The following TMEM117 variants were observed in gnomAD, a reference collection of about 807,000 sequenced individuals.
TMEM117 encodes the protein transmembrane protein 117.
A neutral mutation model predicts 52.4 loss-of-function variants in TMEM117; 27 were observed. The ratio of observed to expected loss-of-function variants is 0.51; its 90% CI spans 0.38 to 0.71. The LOEUF (loss-of-function observed/expected upper bound fraction) is 0.71, where lower values mean the gene tolerates loss of function less well. Ranked by LOEUF, TMEM117 falls within the 30% of genes least tolerant of loss-of-function variation. TMEM117 has a pLI of 0.00. For missense variants in TMEM117, 556 were observed against 630.5 expected, an observed-to-expected ratio of 0.88 and a Z score of 1.26; for synonymous variants, 215 against 206.3, an observed-to-expected ratio of 1.04 and a Z score of -0.36.
At chr12:44,153,270 G>A (rs1445367623) in intron 4 of TMEM117, among the ~76,000 whole-genome samples, 1 of 151,940 alleles carries the variant, frequency 6.6e-6, no homozygotes, top group African/African-American at 2.4e-5. Flanking sequence ...GGCAGAACTT[G>A]GAATATAACC....
At chr12:43,980,865 A>G (rs1945749356) in intron 3 of TMEM117, among the ~76,000 whole-genome samples, 1 of 152,184 alleles carries the variant, frequency 6.6e-6, no homozygotes, top group Non-Finnish European at 1.5e-5. Context: ...AGATTTAATG[A>G]CAAAGGCTTG....
intron 6 of TMEM117, among the ~76,000 whole-genome samples, chr12:44,340,734 A>G (rs1461902154): frequency 6.6e-6 from 1 of 152,114 alleles, no homozygotes; most frequent in Non-Finnish European, 1.5e-5. Context: ...TTGTGTTACA[A>G]GCATCTATAT....
chr12:44,330,148 C>T (rs1951249742), intron 6 of TMEM117, among the ~76,000 whole-genome samples: 1 of 152,010 alleles, frequency 6.6e-6, no homozygotes, highest in Non-Finnish European at 1.5e-5. Flanking sequence ...ACATCCTCTC[C>T]AACACTGTTA....
At chr12:44,367,122 A>G (rs1951799909) in intron 6 of TMEM117, among the ~76,000 whole-genome samples, 1 of 152,176 alleles carries the variant, frequency 6.6e-6, no homozygotes, top group South Asian at 2.1e-4. Context: ...TAACAAAATT[A>G]TTTGAAACTA....
chr12:44,074,089 T>C (rs970974031), intron 3 of TMEM117, among the ~76,000 whole-genome samples: 13 of 152,298 alleles, frequency 8.5e-5, no homozygotes, highest in African/African-American at 3.1e-4. Context: ...CAATGTACCT[T>C]CCCTGTTTTC....
intron 3 of TMEM117, among the ~76,000 whole-genome samples, chr12:44,035,997 A>T (rs1236022593): frequency 6.6e-6 from 1 of 152,156 alleles, no homozygotes; most frequent in Non-Finnish European, 1.5e-5. Flanking sequence ...TTTCCCACTA[A>T]GTGTTTTCTA....
chr12:43,999,162 G>A (rs961850168), intron 3 of TMEM117, among the ~76,000 whole-genome samples: 13 of 152,106 alleles, frequency 8.5e-5, no homozygotes, highest in Non-Finnish European at 1.5e-4. Context: ...CAGTCATTCC[G>A]CTCCTAGAAT....
chr12:44,185,869 T>TACACACACACACAC (rs3065433), intron 4 of TMEM117, among the ~76,000 whole-genome samples: 10 of 135,112 alleles, frequency 7.4e-5, no homozygotes, highest in Admixed American at 2.3e-4. Context: ...CTAAAAGACA[T>TACACACACACACAC]ACACACACAC....
chr12:44,087,759 C>G (rs1478369691), intron 3 of TMEM117, among the ~76,000 whole-genome samples: 1 of 152,134 alleles, frequency 6.6e-6, no homozygotes, highest in South Asian at 2.1e-4. Flanking sequence ...ACCACCACAC[C>G]TGGCCTTATT....
chr12:43,802,921 T>C, the TMEM117 span, among the ~76,000 whole-genome samples: 1 of 152,312 alleles, frequency 6.6e-6, no homozygotes, highest in African/African-American at 2.4e-5. Flanking sequence ...TTGGCCATAA[T>C]GCTACAGATT....
chr12:44,017,763 G>T (rs1346803071), intron 3 of TMEM117, among the ~76,000 whole-genome samples: 1 of 152,042 alleles, frequency 6.6e-6, no homozygotes, highest in Non-Finnish European at 1.5e-5. Context: ...GACATCAAAG[G>T]TAATGTTATT....
At chr12:44,176,666 A>G (rs1949120521) in intron 4 of TMEM117, among the ~76,000 whole-genome samples, 1 of 152,162 alleles carries the variant, frequency 6.6e-6, no homozygotes, top group Non-Finnish European at 1.5e-5. Context: ...TCAGCTCTCA[A>G]TTAAGCTCTG....
At chr12:44,312,449 T>C (rs73086798) in intron 6 of TMEM117, among the ~76,000 whole-genome samples, 1 of 152,160 alleles carries the variant, frequency 6.6e-6, no homozygotes, top group South Asian at 2.1e-4. Flanking sequence ...TTTTTTCTTT[T>C]TCATGGCTGT....
chr12:44,013,391 T>C (rs1382822692), intron 3 of TMEM117, among the ~76,000 whole-genome samples: 5 of 152,166 alleles, frequency 3.3e-5, no homozygotes. Flanking sequence ...CTTCACAGTT[T>C]TTCCCCAACT....
intron 2 of TMEM117, among the ~76,000 whole-genome samples, chr12:43,881,692 G>T (rs1943897609): frequency 6.7e-6 from 1 of 149,442 alleles, no homozygotes; most frequent in African/African-American, 2.4e-5. Flanking sequence ...AGGAGGCTGA[G>T]GCAGGAGAAT....
At position 44,388,376 on chromosome 12, in the gene TMEM117, T is replaced by A; in HGVS notation, c.1249T>A (p.Phe417Ile). ...ATTCTTTATTTGGTTCTTTGGACGA[T>A]TTTTGAAAAATGAGCCACGCATGGA... is the stretch of plus-strand genomic sequence containing the variant. ...FGFFIWFFGRFLKNEPRMENQ... is the reference protein window; with the variant it reads ...FGFFIWFFGRILKNEPRMENQ... Residue 417 changes from phenylalanine (F) to isoleucine (I), a missense_variant, in exon 8 of 8, where the codon TTT becomes ATT. Coordinates refer to ENST00000266534, the MANE Select transcript of TMEM117 (RefSeq NM_032256.3). The A allele has an allele frequency of 6.2e-7, 1 of 1,613,498 alleles. No individual in the cohort carries two copies. Among genetic ancestry groups the A allele is most frequent in the Non-Finnish European group, 8.5e-7 (1 of 1,179,664 alleles).
chr12:43,950,538 T>C (rs2137632872), intron 3 of TMEM117, among the ~76,000 whole-genome samples: 1 of 22,224 alleles, frequency 4.5e-5, no homozygotes, highest in South Asian at 3.0e-3. Flanking sequence ...CTGAACTATT[T>C]TTTTTTTCTC....
chr12:43,824,356 T>C, the TMEM117 span, among the ~76,000 whole-genome samples: 1 of 152,172 alleles, frequency 6.6e-6, no homozygotes, highest in Non-Finnish European at 1.5e-5. Flanking sequence ...TCTATCCCTA[T>C]TGGTAGAATG....
chr12:43,812,238 A>G, the TMEM117 span, among the ~76,000 whole-genome samples: 11 of 152,210 alleles, frequency 7.2e-5, no homozygotes, highest in African/African-American at 2.4e-4. Context: ...ACTTGACACT[A>G]TTCTCTCTTA....
Sources: allele counts gnomAD v4.1 joint callset (sites outside exome capture counted in the v4.1 genomes callset), GRCh38; gene constraint gnomAD v4.1.1; transcripts MANE v1.5; gene names NCBI Gene and HGNC (gene_info 2026-07-23, HGNC 2026-07-21).